The following SYN3 variants were observed in gnomAD, a reference collection of about 807,000 sequenced individuals.
SYN3 encodes the protein synapsin-3.
A neutral mutation model predicts 65.8 loss-of-function variants in SYN3; 35 were observed. That is an observed-to-expected ratio of 0.53 (90% confidence interval 0.41 to 0.70). The LOEUF (loss-of-function observed/expected upper bound fraction) is 0.70, where lower values mean the gene tolerates loss of function less well. SYN3 is among the 30% of genes least tolerant of loss of function. SYN3 has a pLI of 0.00. For synonymous variants in SYN3, 270 were observed against 292.9 expected (o/e 0.92, Z 0.80); for missense variants, 680 against 749.0 (o/e 0.91, Z 1.08).
chr22:32,702,376 G>A (rs2060821703), intron 6 of SYN3, among the ~76,000 whole-genome samples: 1 of 152,204 alleles, frequency 6.6e-6, no homozygotes, highest in Non-Finnish European at 1.5e-5. Flanking sequence ...TACTCGGGAG[G>A]CTGAGGCAGG....
At chr22:32,745,371 C>CT (rs921042311) in intron 6 of SYN3, among the ~76,000 whole-genome samples, 44 of 152,200 alleles carry the variant, frequency 2.9e-4, no homozygotes, top group Non-Finnish European at 2.9e-5. Context: ...GGTGGGACTC[C>CT]ACCCGTCTTC....
At chr22:32,905,031 C>T (rs2049864205) in intron 4 of SYN3, among the ~76,000 whole-genome samples, 2 of 152,174 alleles carry the variant, frequency 1.3e-5, no homozygotes, top group Non-Finnish European at 2.9e-5. Flanking sequence ...CTTCCCCTCT[C>T]TGAGCTTCAG....
chr22:32,587,363 G>A (rs113099700), intron 7 of SYN3, among the ~76,000 whole-genome samples: 20 of 151,976 alleles, frequency 1.3e-4, no homozygotes, highest in Non-Finnish European at 2.2e-4. Flanking sequence ...TGTTGGGGGG[G>A]AGGGTCCCTC....
At chr22:32,652,914 A>G (rs1297692583) in intron 6 of SYN3, among the ~76,000 whole-genome samples, 1 of 152,178 alleles carries the variant, frequency 6.6e-6, no homozygotes, top group Admixed American at 6.5e-5. Context: ...ACTTCTCCCT[A>G]CGTTTTCAGT....
At chr22:32,776,585 G>A (rs2045913695) in intron 6 of SYN3, among the ~76,000 whole-genome samples, 1 of 152,154 alleles carries the variant, frequency 6.6e-6, no homozygotes, top group South Asian at 2.1e-4. Context: ...GCTCCAAGTT[G>A]CTGCCTTAGG....
chr22:32,825,912 G>C (rs5754306), intron 6 of SYN3, among the ~76,000 whole-genome samples: 1 of 152,068 alleles, frequency 6.6e-6, no homozygotes, highest in African/African-American at 2.4e-5. Context: ...AAATAAACCA[G>C]ATCACCAAGC....
At chr22:32,869,155 C>G (rs1346319831) in intron 4 of SYN3, 30 bp from the exon 5 acceptor site, 1 of 1,600,766 alleles carries the variant, frequency 6.2e-7, no homozygotes, top group Non-Finnish European at 8.5e-7. Context: ...TGTTACCACA[C>G]TGGGACATTG....
chr22:33,040,340 G>A (rs2053940999), intron 1 of SYN3, among the ~76,000 whole-genome samples: 1 of 152,012 alleles, frequency 6.6e-6, no homozygotes, highest in African/African-American at 2.4e-5. Flanking sequence ...CTGAGAGTGT[G>A]GACGAATGAA....
chr22:32,692,283 C>G (rs1397986615), intron 6 of SYN3, among the ~76,000 whole-genome samples: 1 of 151,066 alleles, frequency 6.6e-6, no homozygotes, highest in African/African-American at 2.4e-5. Context: ...CTGCTGCAAA[C>G]AACCACTGCC....
At chr22:33,012,940 A>G (rs1300947788) in intron 1 of SYN3, among the ~76,000 whole-genome samples, 3 of 152,166 alleles carry the variant, frequency 2.0e-5, no homozygotes, top group African/African-American at 7.2e-5. Context: ...TTCTCCAGCA[A>G]CCTCAAATCG....
At chr22:32,548,160 T>A (rs181959180) in intron 7 of SYN3, among the ~76,000 whole-genome samples, 1 of 152,206 alleles carries the variant, frequency 6.6e-6, no homozygotes, top group African/African-American at 2.4e-5. Flanking sequence ...AGAGATCAGA[T>A]AAGACTGTCC....
In SYN3 at chr22:32,513,905, C is replaced by T. The variant is rs772841829; in HGVS notation, c.1611-81G>A. Reference sequence around the variant, plus strand: ...TGGGTCTTGGGGGCTTGCCTGTAAGCCAGATGGGCTACCCCAATCATCATA... The same window carrying T: ...TGGGTCTTGGGGGCTTGCCTGTAAGTCAGATGGGCTACCCCAATCATCATA... On this transcript the variant is annotated intron_variant, in intron 13 of 13. Transcript: ENST00000358763. 2,219 of 1,561,494 alleles carry T rather than the reference C, an allele frequency of 1.4e-3. 6 individuals carry two copies. Among genetic ancestry groups the T allele is most frequent in the Non-Finnish European group, 1.8e-3 (2,057 of 1,145,686 alleles).
chr22:32,830,614 G>A (rs1318064592), intron 6 of SYN3, among the ~76,000 whole-genome samples: 1 of 152,184 alleles, frequency 6.6e-6, no homozygotes, highest in Non-Finnish European at 1.5e-5. Flanking sequence ...AGATATGCGA[G>A]TTAAAGGAAT....
intron 6 of SYN3, chr22:32,861,386 G>A (rs1011383230): frequency 7.2e-6 from 1 of 139,042 alleles, no homozygotes; most frequent in Non-Finnish European, 1.6e-5. Flanking sequence ...GTGAGGCAGT[G>A]TGAGCAGAAG....
intron 12 of SYN3, among the ~76,000 whole-genome samples, chr22:32,526,595 A>G (rs897216977): frequency 1.3e-5 from 2 of 152,034 alleles, no homozygotes; most frequent in African/African-American, 4.8e-5. Flanking sequence ...GGCTCACTGC[A>G]ACCTCCGCCT....
chr22:32,688,229 G>C (rs1052400812), intron 6 of SYN3, among the ~76,000 whole-genome samples: 110 of 152,224 alleles, frequency 7.2e-4, no homozygotes, highest in African/African-American at 2.5e-3. Flanking sequence ...TGAAGGTCAG[G>C]GGGTCATAAG....
At chr22:32,885,674 C>T (rs927669523) in intron 4 of SYN3, among the ~76,000 whole-genome samples, 6 of 152,130 alleles carry the variant, frequency 3.9e-5, no homozygotes, top group African/African-American at 1.4e-4. Context: ...GATTCTCCTG[C>T]CTCAGCCTCC....
intron 6 of SYN3, among the ~76,000 whole-genome samples, chr22:32,655,177 C>T (rs1035811327): frequency 4.6e-5 from 7 of 152,326 alleles, no homozygotes; most frequent in Admixed American, 4.6e-4. Flanking sequence ...TATGTGAAGA[C>T]ACAGTGTTCA....
rs942691320 is a variant in SYN3, at chr22:32,521,477, C to A, written c.1319-3143G>T. Among the ~76,000 whole-genome samples the A allele has an allele frequency of 1.4e-4, 17 of 122,254 alleles. No homozygotes were observed. In the Admixed American group the frequency reaches 1.5e-3, roughly 11 times the overall value. The allele number at this position is 122,254 out of a possible 152,430, so 80.2% of individuals were successfully genotyped here. A position where few individuals can be genotyped will look rare whatever the true frequency, so the allele number is the denominator to read the frequency against. ...TTTTTTTTTTTGAGACGGAGTCTTGCACTATTATCCGGGCTAGAGTGCAGT... is the reference window on the plus strand; with the variant it reads ...TTTTTTTTTTTGAGACGGAGTCTTGAACTATTATCCGGGCTAGAGTGCAGT... On this transcript the variant is annotated intron_variant, in intron 12 of 13. Transcript: ENST00000358763.
Sources: gnomAD v4.1 joint callset for allele counts (sites outside exome capture counted in the v4.1 genomes callset) on GRCh38, gnomAD v4.1.1 for gene constraint, MANE v1.5 for transcripts, NCBI Gene and HGNC (gene_info 2026-07-23, HGNC 2026-07-21) for gene names.